The following PRKG1 variants were observed in gnomAD, a reference collection of about 807,000 sequenced individuals.
PRKG1 encodes the protein protein kinase cGMP-dependent 1, also known as cGMP-dependent protein kinase 1.
In PRKG1, 35 loss-of-function variants were observed where a neutral mutation model predicts 88.1. That is an observed-to-expected ratio of 0.40 (90% CI 0.30 to 0.53). PRKG1 has a LOEUF of 0.53. Ranked by LOEUF, PRKG1 falls within the 20% of genes least tolerant of loss-of-function variation. The pLI is 0.59. For missense variants in PRKG1, 540 were observed against 839.8 expected, an observed-to-expected ratio of 0.64 and a Z score of 4.41; for synonymous variants, 303 against 292.5, an observed-to-expected ratio of 1.04 and a Z score of -0.37.
chr10:52,141,234 T>C lies in PRKG1; in HGVS notation c.1001+7329T>C, dbSNP rs190450773. Among the ~76,000 whole-genome samples the C allele has an allele frequency of 3.3e-5, 5 of 152,282 alleles. 1 individual carries two copies. In the South Asian group the frequency reaches 1.0e-3, roughly 32 times the overall value. On this transcript the variant is annotated intron_variant, in intron 8 of 17. Transcript: ENST00000373980. ...ACATTATATTCATTCAATTTAATGATGTGGGTTGAATTATAGCATGCCCTG... is the reference window on the plus strand; with the variant it reads ...ACATTATATTCATTCAATTTAATGACGTGGGTTGAATTATAGCATGCCCTG...
At chr10:51,296,301 C>T (rs1437766783) in intron 2 of PRKG1, among the ~76,000 whole-genome samples, 1 of 152,080 alleles carries the variant, frequency 6.6e-6, no homozygotes, top group East Asian at 1.9e-4. Flanking sequence ...GAAGTCATCT[C>T]ATCCTGAGCT....
intron 1 of PRKG1, among the ~76,000 whole-genome samples, chr10:51,064,462 A>G (rs1843726473): frequency 6.6e-6 from 1 of 152,108 alleles, no homozygotes; most frequent in South Asian, 2.1e-4. Context: ...TAAAAGCTTA[A>G]TTTATAAAGA....
intron 3 of PRKG1, among the ~76,000 whole-genome samples, chr10:51,728,453 GTTT>G (rs56975031): frequency 2.6e-4 from 15 of 58,802 alleles, no homozygotes; most frequent in Non-Finnish European, 1.1e-4. Flanking sequence ...TTTTTTCTTT[GTTT>G]TTTTTTTTTT....
intron 10 of PRKG1, among the ~76,000 whole-genome samples, chr10:52,264,409 TTTC>T (rs2132421085): frequency 6.6e-6 from 1 of 152,208 alleles, no homozygotes; most frequent in South Asian, 2.1e-4. Flanking sequence ...CAGCTTTTTT[TTTC>T]TTCTTTTCTT....
chr10:51,380,491 A>G (rs1298426415), intron 2 of PRKG1, among the ~76,000 whole-genome samples: 1 of 152,154 alleles, frequency 6.6e-6, no homozygotes, highest in Admixed American at 6.5e-5. Context: ...AGTAATTAAA[A>G]GTTGTTTGTT....
At chr10:51,399,635 T>A (rs12773412) in intron 2 of PRKG1, among the ~76,000 whole-genome samples, 1 of 151,950 alleles carries the variant, frequency 6.6e-6, no homozygotes, top group African/African-American at 2.4e-5. Context: ...TTCTCATCAC[T>A]GTTTTTCTTA....
At chr10:51,069,689 A>T (rs988010876), upstream of PRKG1, among the ~76,000 whole-genome samples, 1 of 152,132 alleles carries the variant, frequency 6.6e-6, no homozygotes, top group Non-Finnish European at 1.5e-5. Context: ...AGGTATTATC[A>T]TTACAGATCT....
chr10:51,497,468 AT>A (rs1263237948), intron 3 of PRKG1, among the ~76,000 whole-genome samples: 4 of 152,232 alleles, frequency 2.6e-5, no homozygotes, highest in African/African-American at 9.6e-5. Flanking sequence ...AATGAAAAAA[AT>A]CAGACTATTT....
intron 2 of PRKG1, among the ~76,000 whole-genome samples, chr10:51,352,686 C>T (rs1842276217): frequency 6.6e-6 from 1 of 152,036 alleles, no homozygotes; most frequent in African/African-American, 2.4e-5. Context: ...CCAAATACTA[C>T]TCAAAGCAAT....
intron 2 of PRKG1, among the ~76,000 whole-genome samples, chr10:51,217,504 G>A (rs1838403062): frequency 6.6e-6 from 1 of 152,110 alleles, no homozygotes; most frequent in Non-Finnish European, 1.5e-5. Context: ...AACATTGTGA[G>A]GGTGTTGGAT....
At chr10:52,128,639 G>C (rs558644230) in intron 7 of PRKG1, 2 of 946,804 alleles carry the variant, frequency 2.1e-6, no homozygotes, top group South Asian at 4.9e-5. Context: ...GAAAATGTTA[G>C]AAGTGGCTTA....
At chr10:52,241,380 T>A (rs1410987112) in intron 9 of PRKG1, among the ~76,000 whole-genome samples, 1 of 152,160 alleles carries the variant, frequency 6.6e-6, no homozygotes, top group Admixed American at 6.6e-5. Context: ...AAGCTGTAAG[T>A]GAGCTTCGTA....
At chr10:51,891,563 G>A (rs1428907534) in intron 4 of PRKG1, among the ~76,000 whole-genome samples, 3 of 152,138 alleles carry the variant, frequency 2.0e-5, no homozygotes, top group African/African-American at 7.2e-5. Context: ...CAAACTTTGA[G>A]TATCTATCAT....
intron 3 of PRKG1, among the ~76,000 whole-genome samples, chr10:51,581,535 T>A (rs1838035432): frequency 1.3e-5 from 2 of 152,098 alleles, no homozygotes; most frequent in African/African-American, 4.8e-5. Flanking sequence ...TTCCCCGAGC[T>A]ATGAACATCT....
At chr10:51,497,961 A>G (rs1840909632) in intron 3 of PRKG1, among the ~76,000 whole-genome samples, 1 of 152,262 alleles carries the variant, frequency 6.6e-6, no homozygotes, top group African/African-American at 2.4e-5. Context: ...ACTAATATGT[A>G]TTAGTATGTA....
intron 17 of PRKG1, 141 bp downstream of exon 17, chr10:52,290,431 C>T: frequency 1.4e-6 from 1 of 715,114 alleles, no homozygotes; most frequent in Non-Finnish European, 2.1e-6. Flanking sequence ...AAAATAATGA[C>T]ATATTCTAAA....
intron 5 of PRKG1, among the ~76,000 whole-genome samples, chr10:51,942,814 C>A (rs1649926885): frequency 6.6e-6 from 1 of 150,656 alleles, no homozygotes; most frequent in African/African-American, 2.5e-5. Context: ...TGATCTATAT[C>A]TCTGTTTTGG....
intron 1 of PRKG1, among the ~76,000 whole-genome samples, chr10:51,111,277 A>C (rs1489332446): frequency 6.6e-6 from 1 of 152,034 alleles, no homozygotes; most frequent in African/African-American, 2.4e-5. Flanking sequence ...TATATTTTTA[A>C]ATTTTTTGTG....
intron 3 of PRKG1, among the ~76,000 whole-genome samples, chr10:51,704,693 A>C (rs1408910653): frequency 6.6e-6 from 1 of 152,206 alleles, no homozygotes; most frequent in Non-Finnish European, 1.5e-5. Flanking sequence ...AACGCAAGAA[A>C]TTGGGACCTG....
Sources: gnomAD v4.1 joint callset for allele counts (sites outside exome capture counted in the v4.1 genomes callset) on GRCh38, gnomAD v4.1.1 for gene constraint, MANE v1.5 for transcripts, NCBI Gene and HGNC (gene_info 2026-07-23, HGNC 2026-07-21) for gene names.